The following CEP83 variants were observed in gnomAD, a reference collection of about 807,000 sequenced individuals.
The protein encoded by CEP83 is centrosomal protein of 83 kDa.
A neutral mutation model predicts 101.9 loss-of-function variants in CEP83; 70 were observed. The observed-to-expected ratio is 0.69, with a 90% CI of 0.57 to 0.84. The LOEUF (loss-of-function observed/expected upper bound fraction) is 0.84. Ranked by LOEUF, CEP83 falls within the 40% of genes least tolerant of loss-of-function variation. The probability of loss-of-function intolerance (pLI) is 0.00; values close to 1 mark genes in which losing one functional copy is unlikely to be tolerated. For synonymous variants in CEP83, 264 were observed against 267.9 expected, an observed-to-expected ratio of 0.99 and a Z score of 0.14; for missense variants, 715 against 787.2, an observed-to-expected ratio of 0.91 and a Z score of 1.10.
At chr12:94,313,151 A>T in intron 14 of CEP83, 134 bp from the exon 15 acceptor site, 1 of 456,636 alleles carries the variant, frequency 2.2e-6, no homozygotes, top group East Asian at 3.5e-5. Context: ...AACAAAGGTT[A>T]GTAGACATGG....
chr12:94,352,561 T>G (rs1361192220), intron 11 of CEP83, among the ~76,000 whole-genome samples: 1 of 151,002 alleles, frequency 6.6e-6, no homozygotes, highest in African/African-American at 2.4e-5. Context: ...TTAAGGAAAC[T>G]TGGAAAGATA....
chr12:94,282,618 A>G, the CEP83 span, among the ~76,000 whole-genome samples: 1 of 152,280 alleles, frequency 6.6e-6, no homozygotes. Flanking sequence ...GAAGGCTATG[A>G]TTTTCTATCT....
intron 11 of CEP83, among the ~76,000 whole-genome samples, chr12:94,357,320 T>C (rs1008130156): frequency 2.6e-5 from 4 of 152,106 alleles, no homozygotes; most frequent in African/African-American, 4.8e-5. Flanking sequence ...TCCTGGAGCT[T>C]GTTTTAACTG....
At chr12:94,297,365 G>T in the CEP83 span, 1 of 1,613,972 alleles carries the variant, frequency 6.2e-7, no homozygotes. Flanking sequence ...AAGAGACATC[G>T]AGGGAAGCAC....
intron 9 of CEP83, 39 bp from the exon 10 acceptor site, chr12:94,368,240 G>A (rs2137017138): frequency 6.6e-7 from 1 of 1,507,596 alleles, no homozygotes; most frequent in Non-Finnish European, 9.0e-7. Flanking sequence ...TATATTCAAT[G>A]TTATTAAGAT....
At chr12:94,342,066 G>C (rs2059710486) in intron 11 of CEP83, among the ~76,000 whole-genome samples, 2 of 152,174 alleles carry the variant, frequency 1.3e-5, no homozygotes, top group Admixed American at 6.5e-5. Flanking sequence ...CAAAAGGACA[G>C]ACAAGATTGG....
chr12:94,385,415 T>C (rs2062082840), intron 6 of CEP83, among the ~76,000 whole-genome samples: 3 of 152,152 alleles, frequency 2.0e-5, no homozygotes, highest in South Asian at 4.2e-4. Flanking sequence ...TTACTGCCAG[T>C]TGAGAGTGGA....
chr12:94,276,551 C>T, the CEP83 span, among the ~76,000 whole-genome samples: 1 of 152,224 alleles, frequency 6.6e-6, no homozygotes, highest in African/African-American at 2.4e-5. Context: ...TGCAGTTAGG[C>T]AAATCTGGCT....
intron 13 of CEP83, 71 bp downstream of exon 13, chr12:94,333,411 T>A (rs2059321045): frequency 7.6e-7 from 1 of 1,313,982 alleles, no homozygotes; most frequent in African/African-American, 1.5e-5. Context: ...AACATTGGAA[T>A]CATTACTAAA....
rs1283494561 is a variant in CEP83 at position 94,322,508 on chromosome 12, AG to A, written c.1707+9191del. 2.0e-5 allele frequency among the ~76,000 whole-genome samples: 3 copies of A among 152,322 alleles called. No homozygotes were observed. In the East Asian group the frequency reaches 5.8e-4, roughly 29 times the overall value. ...TTGCTTCAGACTCTCCAAATCCCAA[AG>A]GCAAAGAGATAAGGCTGCAAAACAG... On this transcript the variant is annotated intron_variant, in intron 14 of 16. Coordinates refer to ENST00000397809, the MANE Select transcript of CEP83 (RefSeq NM_016122.3).
Position 94,308,774 on chromosome 12 carries a change from C to CA in CEP83, c.*38dup. 7.3e-7 allele frequency: 1 copy of CA among 1,369,740 alleles called. No homozygotes were observed. The highest frequency in any genetic ancestry group is 1.2e-5 in the South Asian group (1 of 84,872). The allele number at this position is 1,369,740 out of a possible 1,614,324, so 84.8% of individuals were successfully genotyped here. A position where few individuals can be genotyped will look rare whatever the true frequency, so the allele number is the denominator to read the frequency against. Reference sequence around the variant, plus strand: ...AAAATGTCAAGTTTTACTGAGTCACCAACTTCACCTCTTTTGATCTGCCTG... The same window carrying CA: ...AAAATGTCAAGTTTTACTGAGTCACCAAACTTCACCTCTTTTGATCTGCCTG... On this transcript the variant is annotated 3_prime_UTR_variant, in exon 17 of 17. Transcript: ENST00000397809.
At chr12:94,331,429 C>T (rs577859704) in intron 14 of CEP83, among the ~76,000 whole-genome samples, 19 of 127,354 alleles carry the variant, frequency 1.5e-4, no homozygotes, top group African/African-American at 3.9e-4. Flanking sequence ...TGCAGTGGCA[C>T]GATCTCGGCT....
the CEP83 span, among the ~76,000 whole-genome samples, chr12:94,268,197 C>T: frequency 6.6e-6 from 1 of 152,196 alleles, no homozygotes; most frequent in Non-Finnish European, 1.5e-5. Context: ...TTTCACACCT[C>T]TCAGATGAGG....
At chr12:94,311,856 T>G (rs1379312938) in intron 15 of CEP83, among the ~76,000 whole-genome samples, 1 of 152,202 alleles carries the variant, frequency 6.6e-6, no homozygotes, top group Non-Finnish European at 1.5e-5. Context: ...CTGGCCAATC[T>G]TGAATTGCTA....
At chr12:94,455,491 A>C (rs2138650885) in intron 1 of CEP83, among the ~76,000 whole-genome samples, 1 of 152,340 alleles carries the variant, frequency 6.6e-6, no homozygotes, top group East Asian at 1.9e-4. Flanking sequence ...ACTCAACTTC[A>C]CTTTCTATAT....
At chr12:94,267,898 A>G in the CEP83 span, among the ~76,000 whole-genome samples, 1 of 151,702 alleles carries the variant, frequency 6.6e-6, no homozygotes, top group Non-Finnish European at 1.5e-5. Context: ...ACACCCAGCC[A>G]TTTTAGGACT....
intron 1 of CEP83, among the ~76,000 whole-genome samples, chr12:94,457,880 C>T (rs1459521512): frequency 6.6e-6 from 1 of 152,144 alleles, no homozygotes; most frequent in East Asian, 1.9e-4. Flanking sequence ...AGTGAGGTGA[C>T]TGGTAAACCA....
chr12:94,410,666 ACT>A (rs754749467), intron 4 of CEP83, among the ~76,000 whole-genome samples: 1 of 152,140 alleles, frequency 6.6e-6, no homozygotes. Flanking sequence ...CACAGCTTCC[ACT>A]CATACAGGGC....
At chr12:94,344,166 T>G (rs1185310291) in intron 11 of CEP83, among the ~76,000 whole-genome samples, 1 of 152,230 alleles carries the variant, frequency 6.6e-6, no homozygotes, top group East Asian at 1.9e-4. Flanking sequence ...CTGTGGTATT[T>G]TATTATGGCA....
Sources: allele counts gnomAD v4.1 joint callset (sites outside exome capture counted in the v4.1 genomes callset), GRCh38; gene constraint gnomAD v4.1.1; transcripts MANE v1.5; gene names NCBI Gene and HGNC (gene_info 2026-07-23, HGNC 2026-07-21).